LRRC4C: variants seen among roughly 807,000 people sequenced by gnomAD.
LRRC4C encodes the protein leucine-rich repeat-containing protein 4C.
Under a neutral mutation model 33.6 loss-of-function variants are expected in LRRC4C, and 5 were observed. The ratio of observed to expected loss-of-function variants is 0.15; its 90% CI spans 0.08 to 0.31. LRRC4C has a LOEUF of 0.31. LRRC4C is among the 10% of genes least tolerant of loss of function. The pLI is 1.00. For synonymous variants in LRRC4C, 329 were observed against 302.0 expected (o/e 1.09, Z -0.93); for missense variants, 560 against 796.7 (o/e 0.70, Z 3.58).
At chr11:41,189,443 G>A (rs1425519705) in intron 1 of LRRC4C, among the ~76,000 whole-genome samples, 1 of 152,134 alleles carries the variant, frequency 6.6e-6, no homozygotes, top group Non-Finnish European at 1.5e-5. Context: ...TGTGTTTGTA[G>A]AGCTGGGTAA....
intron 2 of LRRC4C, among the ~76,000 whole-genome samples, chr11:40,738,068 A>C (rs1411307631): frequency 6.6e-6 from 1 of 152,154 alleles, no homozygotes; most frequent in African/African-American, 2.4e-5. Flanking sequence ...ATAACACCAC[A>C]CATCTGCAAC....
intron 1 of LRRC4C, among the ~76,000 whole-genome samples, chr11:41,195,551 C>A (rs902861578): frequency 1.3e-5 from 2 of 152,036 alleles, no homozygotes; most frequent in African/African-American, 4.8e-5. Context: ...AGATATTTCC[C>A]CCCCCAAATT....
intron 5 of LRRC4C, among the ~76,000 whole-genome samples, chr11:40,195,917 G>A (rs1862225144): frequency 6.6e-6 from 1 of 152,134 alleles, no homozygotes; most frequent in Non-Finnish European, 1.5e-5. Context: ...CACCACAAAT[G>A]GAATTCCCGA....
chr11:40,465,622 C>T (rs1160565725), intron 3 of LRRC4C, among the ~76,000 whole-genome samples: 1 of 151,838 alleles, frequency 6.6e-6, no homozygotes, highest in African/African-American at 2.4e-5. Flanking sequence ...ATAACCCCAT[C>T]AAAAAGTGGG....
chr11:40,887,560 T>G (rs2136079117), intron 2 of LRRC4C, among the ~76,000 whole-genome samples: 1 of 152,164 alleles, frequency 6.6e-6, no homozygotes, highest in African/African-American at 2.4e-5. Context: ...GAAAATAAAC[T>G]TAGTTTTGTT....
intron 2 of LRRC4C, among the ~76,000 whole-genome samples, chr11:40,780,158 C>G (rs888041912): frequency 6.6e-6 from 1 of 151,948 alleles, no homozygotes; most frequent in Admixed American, 6.6e-5. Flanking sequence ...AAAAAGGTAC[C>G]TTGAGTATTC....
At chr11:40,269,225 T>C (rs188176451) in intron 4 of LRRC4C, among the ~76,000 whole-genome samples, 104 of 152,258 alleles carry the variant, frequency 6.8e-4, no homozygotes, top group African/African-American at 2.5e-3. Context: ...CAAGTCAACA[T>C]AAAATCTCTA....
At chr11:40,909,582 A>G (rs1012500982) in intron 2 of LRRC4C, among the ~76,000 whole-genome samples, 2 of 152,112 alleles carry the variant, frequency 1.3e-5, no homozygotes, top group Non-Finnish European at 2.9e-5. Context: ...TCCCATAATG[A>G]AGCATATAGA....
intron 2 of LRRC4C, among the ~76,000 whole-genome samples, chr11:40,692,364 C>A (rs951381280): frequency 2.6e-5 from 4 of 151,990 alleles, no homozygotes; most frequent in African/African-American, 9.7e-5. Flanking sequence ...TCTTCACTTT[C>A]CACCGGTTCT....
At chr11:40,891,994 G>T (rs796651200) in intron 2 of LRRC4C, among the ~76,000 whole-genome samples, 8 of 152,026 alleles carry the variant, frequency 5.3e-5, no homozygotes, top group African/African-American at 1.9e-4. Flanking sequence ...AATTAGCCGG[G>T]CGTGGTGGTG....
chr11:40,126,179 C>A (rs762931991), intron 6 of LRRC4C, among the ~76,000 whole-genome samples: 1 of 145,384 alleles, frequency 6.9e-6, no homozygotes, highest in African/African-American at 2.5e-5. Flanking sequence ...AAAAAAAAAC[C>A]CACCTGACTC....
At chr11:40,547,746 T>A (rs1029313156) in intron 3 of LRRC4C, among the ~76,000 whole-genome samples, 4 of 152,108 alleles carry the variant, frequency 2.6e-5, no homozygotes, top group Admixed American at 6.6e-5. Context: ...TTTACAGGTA[T>A]GTTGGGTGCT....
At chr11:40,145,703 T>C (rs1293010156) in intron 5 of LRRC4C, among the ~76,000 whole-genome samples, 2 of 152,210 alleles carry the variant, frequency 1.3e-5, no homozygotes, top group African/African-American at 2.4e-5. Flanking sequence ...TATAGCAGTT[T>C]AAATATTACC....
intron 1 of LRRC4C, among the ~76,000 whole-genome samples, chr11:41,351,519 G>A (rs1293157883): frequency 6.6e-6 from 1 of 152,026 alleles, no homozygotes; most frequent in Non-Finnish European, 1.5e-5. Context: ...ATGCAAGACA[G>A]CCATCCCCAA....
At chr11:40,710,802 G>A (rs1946423260) in intron 2 of LRRC4C, among the ~76,000 whole-genome samples, 1 of 152,322 alleles carries the variant, frequency 6.6e-6, no homozygotes, top group South Asian at 2.1e-4. Context: ...CCTGCCCCCA[G>A]AGGTGGAGTC....
chr11:40,265,924 C>G (rs866155212), intron 4 of LRRC4C, among the ~76,000 whole-genome samples: 3 of 152,120 alleles, frequency 2.0e-5, no homozygotes, highest in South Asian at 2.1e-4. Flanking sequence ...TATAGACAGT[C>G]CATTTTTACA....
intron 2 of LRRC4C, among the ~76,000 whole-genome samples, chr11:40,904,953 C>A (rs967394876): frequency 6.6e-6 from 1 of 152,094 alleles, no homozygotes; most frequent in Non-Finnish European, 1.5e-5. Flanking sequence ...AAGCTGCAGG[C>A]CCCTCATGTC....
At chr11:40,473,429 C>T (rs956710874) in intron 3 of LRRC4C, among the ~76,000 whole-genome samples, 2 of 152,122 alleles carry the variant, frequency 1.3e-5, no homozygotes, top group Admixed American at 1.3e-4. Context: ...TCTCAATAAA[C>T]TTGGTATTGA....
intron 3 of LRRC4C, among the ~76,000 whole-genome samples, chr11:40,608,025 A>G (rs1960808899): frequency 6.6e-6 from 1 of 152,144 alleles, no homozygotes; most frequent in African/African-American, 2.4e-5. Context: ...TTCAAAGTGA[A>G]AGTACTCTGG....
Sources: gnomAD v4.1 joint callset for allele counts (sites outside exome capture counted in the v4.1 genomes callset) on GRCh38, gnomAD v4.1.1 for gene constraint, MANE v1.5 for transcripts, NCBI Gene and HGNC (gene_info 2026-07-23, HGNC 2026-07-21) for gene names.